Variants in ARHGAP29 observed in about 807,000 individuals in gnomAD.
The protein encoded by ARHGAP29 is rho GTPase-activating protein 29.
A neutral mutation model predicts 122.6 loss-of-function variants in ARHGAP29; 43 were observed. That is an observed-to-expected ratio of 0.35 (90% CI 0.27 to 0.45). The LOEUF (loss-of-function observed/expected upper bound fraction) is 0.45, where lower values mean the gene tolerates loss of function less well. Ranked by LOEUF, ARHGAP29 falls within the 20% of genes least tolerant of loss-of-function variation. The pLI, the probability that ARHGAP29 is intolerant of heterozygous loss-of-function variation, is 1.00. For missense variants in ARHGAP29, 1,303 were observed against 1,477.2 expected (o/e 0.88, Z 1.93); for synonymous variants, 506 against 497.1 (o/e 1.02, Z -0.24).
intron 19 of ARHGAP29, among the ~76,000 whole-genome samples, chr1:94,183,060 A>G (rs1444578603): frequency 6.6e-6 from 1 of 152,208 alleles, no homozygotes; most frequent in Non-Finnish European, 1.5e-5. Flanking sequence ...AAAGGAGGGT[A>G]ATGAATGTTC....
Position 94,209,524 on chromosome 1 carries a change from C to T in ARHGAP29, c.341-174G>A, listed in dbSNP as rs186038530. On this transcript the variant is annotated intron_variant, in intron 3 of 22. Coordinates refer to ENST00000260526, the MANE Select transcript of ARHGAP29 (RefSeq NM_004815.4). ...TGTTCAAATTCTTCATTATGAAATT[C>T]ATATAAAAGAATCAGCTTGCATAAA... is the stretch of plus-strand genomic sequence containing the variant. 1.4e-4 allele frequency among the ~76,000 whole-genome samples: 21 copies of T among 152,226 alleles called. No individual in the cohort carries two copies. In the East Asian group the frequency reaches 3.9e-3, roughly 28 times the overall value.
At chr1:94,208,757 G>A in intron 5 of ARHGAP29, 75 bp downstream of exon 5, 1 of 1,452,690 alleles carries the variant, frequency 6.9e-7, no homozygotes, top group South Asian at 1.2e-5. Flanking sequence ...ACCACCCCCG[G>A]CCTAAGATTA....
At chr1:94,262,501 A>C (rs1210042031) in intron 1 of ARHGAP29, among the ~76,000 whole-genome samples, 2 of 152,240 alleles carry the variant, frequency 1.3e-5, no homozygotes, top group Non-Finnish European at 2.9e-5. Context: ...CAAGCTATGC[A>C]TCTGACAAAG....
the ARHGAP29 span, among the ~76,000 whole-genome samples, chr1:94,309,207 A>G: frequency 1.6e-4 from 24 of 152,238 alleles, no homozygotes; most frequent in Non-Finnish European, 2.8e-4. Context: ...CATAGTCACA[A>G]CAAACTTATG....
intron 1 of ARHGAP29, among the ~76,000 whole-genome samples, chr1:94,234,123 C>T (rs550243733): frequency 2.6e-4 from 39 of 152,300 alleles, no homozygotes; most frequent in African/African-American, 8.7e-4. Flanking sequence ...CTCTACTTTT[C>T]ATCACTGCTC....
intron 20 of ARHGAP29, among the ~76,000 whole-genome samples, chr1:94,178,764 G>C (rs928129640): frequency 6.6e-6 from 1 of 152,190 alleles, no homozygotes; most frequent in Admixed American, 6.5e-5. Context: ...AAGGAAGATG[G>C]TCAGCGCATG....
At chr1:94,244,358 T>C (rs1434683278) in intron 1 of ARHGAP29, among the ~76,000 whole-genome samples, 7 of 152,006 alleles carry the variant, frequency 4.6e-5, no homozygotes, top group African/African-American at 1.4e-4. Context: ...TAGTTTAACA[T>C]TCACTAGAAA....
intron 1 of ARHGAP29, among the ~76,000 whole-genome samples, chr1:94,272,832 G>A (rs147931836): frequency 9.9e-5 from 15 of 152,242 alleles, no homozygotes; most frequent in South Asian, 6.2e-4. Context: ...GATCTTATGC[G>A]TGTCTAATTC....
At chr1:94,214,145 AC>A (rs1214641590) in intron 3 of ARHGAP29, among the ~76,000 whole-genome samples, 6 of 152,194 alleles carry the variant, frequency 3.9e-5, no homozygotes, top group African/African-American at 1.4e-4. Context: ...TGGACACATT[AC>A]CTAACTTCAA....
At chr1:94,247,436 C>G (rs1480334946) in intron 1 of ARHGAP29, among the ~76,000 whole-genome samples, 1 of 151,748 alleles carries the variant, frequency 6.6e-6, no homozygotes, top group African/African-American at 2.4e-5. Flanking sequence ...TCGTCCGCGC[C>G]TGCCTCGCCG....
chr1:94,179,145 C>T (rs1192016956), intron 20 of ARHGAP29, among the ~76,000 whole-genome samples: 1 of 152,190 alleles, frequency 6.6e-6, no homozygotes, highest in Non-Finnish European at 1.5e-5. Flanking sequence ...CCTTGTTTAG[C>T]CAGCCAGAGC....
chr1:94,256,536 C>CTCTTTTTTTTTT (rs1654354734), intron 1 of ARHGAP29, among the ~76,000 whole-genome samples: 1 of 45,296 alleles, frequency 2.2e-5, no homozygotes, highest in Non-Finnish European at 3.7e-5. Flanking sequence ...CAGTACTAAT[C>CTCTTTTTTTTTT]TTTTTTTTTT....
chr1:94,242,724 C>T (rs1230283148), intron 1 of ARHGAP29, among the ~76,000 whole-genome samples: 2 of 151,276 alleles, frequency 1.3e-5, no homozygotes, highest in Non-Finnish European at 2.9e-5. Context: ...CCAATAATTA[C>T]ATTAAATATA....
chr1:94,174,812 T>C, intron 22 of ARHGAP29, 63 bp from the exon 23 acceptor site: 2 of 1,514,808 alleles, frequency 1.3e-6, no homozygotes, highest in Non-Finnish European at 1.8e-6. Context: ...TTTGAATGAG[T>C]TAGAGATGAA....
At chr1:94,239,440 A>G (rs2100672776), upstream of ARHGAP29, among the ~76,000 whole-genome samples, 1 of 152,208 alleles carries the variant, frequency 6.6e-6, no homozygotes, top group African/African-American at 2.4e-5. Context: ...TGATGGAGAG[A>G]GAGGGTGTAT....
chr1:94,212,593 T>A (rs1023726780), intron 3 of ARHGAP29, among the ~76,000 whole-genome samples: 14 of 152,216 alleles, frequency 9.2e-5, no homozygotes, highest in African/African-American at 3.1e-4. Flanking sequence ...TGTATTTTTT[T>A]ATCAAACTAA....
At position 94,256,536 on chromosome 1, in the gene ARHGAP29, C is replaced by CTTTTTTTTTTTTTTTTTTTTTTTTTT. The variant is rs530295333; in HGVS notation, c.-33+18450_-33+18475dup. On this transcript the variant is annotated intron_variant and NMD_transcript_variant, in intron 1 of 25. Coordinates refer to the ARHGAP29 transcript ENST00000552844. ...CAGAAATAGATTTAACAGTACTAAT[C>CTTTTTTTTTTTTTTTTTTTTTTTTTT]TTTTTTTTTTTTTTTTTTTTTTTTT... Among the ~76,000 whole-genome samples, 4 of 45,296 alleles carry CTTTTTTTTTTTTTTTTTTTTTTTTTT rather than the reference C, an allele frequency of 8.8e-5. 1 individual carries two copies. Among genetic ancestry groups the CTTTTTTTTTTTTTTTTTTTTTTTTTT allele is most frequent in the Non-Finnish European group, 1.5e-4 (4 of 26,948 alleles). 29.7% of individuals were successfully genotyped at this position (45,296 alleles called of 152,430 possible). A position where few individuals can be genotyped will look rare whatever the true frequency, so the allele number is the denominator to read the frequency against.
the ARHGAP29 span, among the ~76,000 whole-genome samples, chr1:94,301,775 A>G: frequency 2.0e-3 from 303 of 152,334 alleles, no homozygotes; most frequent in African/African-American, 6.9e-3. Flanking sequence ...ACCTACATGC[A>G]TCAGGATATA....
At chr1:94,289,667 T>C in the ARHGAP29 span, among the ~76,000 whole-genome samples, 4 of 152,210 alleles carry the variant, frequency 2.6e-5, no homozygotes, top group Non-Finnish European at 5.9e-5. Context: ...ATACGTTCCG[T>C]CAATAACTAG....
Sources: gnomAD v4.1 joint callset for allele counts (sites outside exome capture counted in the v4.1 genomes callset) on GRCh38, gnomAD v4.1.1 for gene constraint, MANE v1.5 for transcripts, NCBI Gene and HGNC (gene_info 2026-07-23, HGNC 2026-07-21) for gene names.